Variants in KDM3B observed in about 807,000 individuals in gnomAD.
The protein encoded by KDM3B is lysine demethylase 3B.
In KDM3B, 10 loss-of-function variants were observed where a neutral mutation model predicts 170.0. The ratio of observed to expected loss-of-function variants is 0.06; its 90% confidence interval spans 0.04 to 0.10. The LOEUF is 0.10. KDM3B is among the 10% of genes least tolerant of loss of function. The pLI, the probability that KDM3B is intolerant of heterozygous loss-of-function variation, is 1.00. For synonymous variants in KDM3B, 831 were observed against 834.8 expected (o/e 1.00, Z 0.08); for missense variants, 1,394 against 2,195.2 (o/e 0.64, Z 7.29).
At chr5:138,431,358 G>T in intron 22 of KDM3B, 67 bp from the exon 23 acceptor site, 3 of 1,325,152 alleles carry the variant, frequency 2.3e-6, no homozygotes, top group Non-Finnish European at 3.0e-6. Context: ...CTATATCATG[G>T]ACATTTTCCA....
At chr5:138,366,512 T>C (rs1447523618) in intron 1 of KDM3B, among the ~76,000 whole-genome samples, 8 of 152,090 alleles carry the variant, frequency 5.3e-5, no homozygotes, top group Non-Finnish European at 1.2e-4. Context: ...TTTATTTTTG[T>C]AGAGACAAGG....
At chr5:138,359,040 G>A (rs900216809) in intron 1 of KDM3B, among the ~76,000 whole-genome samples, 20 of 149,802 alleles carry the variant, frequency 1.3e-4, no homozygotes, top group African/African-American at 3.9e-4. Flanking sequence ...GAGAATATGC[G>A]GTGTTTGTTT....
chr5:138,408,332 CTCTT>C (rs1372239056), intron 11 of KDM3B, among the ~76,000 whole-genome samples: 58 of 150,612 alleles, frequency 3.9e-4, no homozygotes, highest in African/African-American at 1.2e-3. Context: ...GTTTTACTTT[CTCTT>C]TCTTTCTTTT....
chr5:138,356,274 T>C (rs1354098513), intron 1 of KDM3B, among the ~76,000 whole-genome samples: 1 of 152,208 alleles, frequency 6.6e-6, no homozygotes, highest in Admixed American at 6.5e-5. Context: ...AAGAAGTATA[T>C]GTATTTTTTA....
At chr5:138,371,923 C>T (rs761597064) in intron 1 of KDM3B, among the ~76,000 whole-genome samples, 17 of 152,158 alleles carry the variant, frequency 1.1e-4, no homozygotes, top group Non-Finnish European at 2.2e-4. Flanking sequence ...GAGTTCAAGG[C>T]CAGCCTGGGC....
chr5:138,410,331 T>C (rs1762930127), intron 11 of KDM3B, among the ~76,000 whole-genome samples: 1 of 152,104 alleles, frequency 6.6e-6, no homozygotes. Flanking sequence ...ATATTAAAGC[T>C]ACAGTAATTA....
intron 11 of KDM3B, among the ~76,000 whole-genome samples, chr5:138,407,173 A>T (rs1019343608): frequency 6.6e-5 from 10 of 151,818 alleles, no homozygotes; most frequent in African/African-American, 2.4e-4. Context: ...TTTAGTAGAG[A>T]CGGGGTTTTG....
chr5:138,377,416 A>G (rs561966057), intron 3 of KDM3B, among the ~76,000 whole-genome samples: 3 of 148,970 alleles, frequency 2.0e-5, no homozygotes, highest in Non-Finnish European at 4.4e-5. Flanking sequence ...ATGAGAATAG[A>G]GTTCTCTTTT....
intron 4 of KDM3B, among the ~76,000 whole-genome samples, 165 bp downstream of exon 4, chr5:138,377,990 T>A (rs1762039138): frequency 1.3e-5 from 2 of 152,060 alleles, no homozygotes; most frequent in African/African-American, 4.8e-5. Flanking sequence ...TATTAAAAAA[T>A]AAAAATAAAG....
At position 138,391,954 on chromosome 5, in the gene KDM3B, C is replaced by A; in HGVS notation, c.2322C>A (p.Gly774=). 6.2e-7 allele frequency: 1 copy of A among 1,612,598 alleles called. No homozygotes were observed. The highest frequency in any genetic ancestry group is 8.5e-7 in the Non-Finnish European group (1 of 1,178,684). Residue 774 remains glycine, a synonymous_variant, in exon 8 of 24, where the codon GGC becomes GGA. Coordinates refer to ENST00000314358, the MANE Select transcript of KDM3B (RefSeq NM_016604.4). The surrounding 1 kb of genome is among the most constrained non-coding windows in gnomAD (Gnocchi z 5.0). The stretch of plus-strand genomic sequence containing the variant: ...GTAACGTCTTTGGCAGGCACTCAGG[C>A]GGCTTTCTGTCCTCCCCGGCAGATT... ...TFSNVFGRHS[G]GFLSSPADFS... is the part of the protein sequence containing the mutation.
chr5:138,411,001 C>G (rs1023578210), intron 11 of KDM3B, among the ~76,000 whole-genome samples: 1 of 152,128 alleles, frequency 6.6e-6, no homozygotes, highest in African/African-American at 2.4e-5. Context: ...CGGATAACTG[C>G]GGGCAAGCCT....
At position 138,420,740 on chromosome 5, in the gene KDM3B, G is replaced by C. The variant is rs772199880; in HGVS notation, c.3750G>C (p.Glu1250Asp). The change falls in exon 15 of 24, where the codon GAG becomes GAC. Residue 1250 changes from glutamate to aspartate, a missense_variant. Physicochemically the swap from Glu to Asp is conservative, Grantham distance 45. This residue lies in a region of KDM3B where 137 missense variants were observed against 166.9 expected (regional missense o/e 0.82). Transcript: ENST00000314358. ...CCCTGAGGTCGGTGCTCAATAAAGAGTCTCATTCACCCTTTGGGCTGGACT... is the reference window on the plus strand; with the variant it reads ...CCCTGAGGTCGGTGCTCAATAAAGACTCTCATTCACCCTTTGGGCTGGACT... ...AGSLRSVLNK[E>D]SHSPFGLDSF... The C allele has an allele frequency of 1.2e-6, 2 of 1,614,150 alleles. No homozygotes were observed. Among genetic ancestry groups the C allele is most frequent in the Non-Finnish European group, 1.7e-6 (2 of 1,180,018 alleles).
At chr5:138,412,982 T>C (rs1050372114) in intron 11 of KDM3B, among the ~76,000 whole-genome samples, 3 of 152,154 alleles carry the variant, frequency 2.0e-5, no homozygotes, top group Non-Finnish European at 2.9e-5. Flanking sequence ...CCAAAAAATA[T>C]AGTCGATGGC....
intron 14 of KDM3B, 115 bp downstream of exon 14, chr5:138,419,347 C>T (rs1432379903): frequency 7.8e-7 from 1 of 1,275,226 alleles, no homozygotes; most frequent in Non-Finnish European, 1.1e-6. Flanking sequence ...CTTACTTTCT[C>T]TGGCTAATCA....
At chr5:138,388,612 G>A (rs529518518) in intron 7 of KDM3B, among the ~76,000 whole-genome samples, 1 of 143,726 alleles carries the variant, frequency 7.0e-6, no homozygotes, top group Non-Finnish European at 1.5e-5. Context: ...CTGCACTCCA[G>A]CCTGGGCAAC....
At chr5:138,399,409 G>T (rs1187536310) in intron 10 of KDM3B, among the ~76,000 whole-genome samples, 1 of 151,516 alleles carries the variant, frequency 6.6e-6, no homozygotes, top group African/African-American at 2.4e-5. Context: ...TTGGTGGCGG[G>T]TGCCTGTAAT....
chr5:138,383,969 A>G (rs929786836), intron 6 of KDM3B, among the ~76,000 whole-genome samples: 1 of 150,986 alleles, frequency 6.6e-6, no homozygotes, highest in African/African-American at 2.4e-5. Context: ...AGAAGAAAAA[A>G]ATCAAGGCCA....
At chr5:138,406,515 C>T (rs113963180) in intron 11 of KDM3B, among the ~76,000 whole-genome samples, 4,138 of 152,138 alleles carry the variant, frequency 0.027, 83 homozygotes, top group Middle Eastern at 0.037. Flanking sequence ...AGCATGGTGG[C>T]AGGCACCTGT....
At chr5:138,412,204 C>A (rs939110081) in intron 11 of KDM3B, among the ~76,000 whole-genome samples, 12 of 151,234 alleles carry the variant, frequency 7.9e-5, no homozygotes, top group Non-Finnish European at 1.6e-4. Context: ...GGCGTGGTGG[C>A]GGGCACCTGT....
Sources: allele counts gnomAD v4.1 joint callset (sites outside exome capture counted in the v4.1 genomes callset), GRCh38; gene constraint gnomAD v4.1.1; regional missense constraint gnomAD v4.1.1; non-coding constraint Gnocchi (gnomAD v3.1); transcripts MANE v1.5; gene names NCBI Gene and HGNC (gene_info 2026-07-23, HGNC 2026-07-21).